Variants in SLC24A3 observed in about 807,000 individuals in gnomAD.
SLC24A3 encodes solute carrier family 24 member 3.
A neutral mutation model predicts 75.8 loss-of-function variants in SLC24A3; 28 were observed. That is an observed-to-expected ratio of 0.37 (90% CI 0.27 to 0.51). The LOEUF (loss-of-function observed/expected upper bound fraction) is 0.51. SLC24A3 is among the 20% of genes least tolerant of loss of function. The pLI, the probability that SLC24A3 is intolerant of heterozygous loss-of-function variation, is 0.94. For synonymous variants in SLC24A3, 372 were observed against 334.1 expected (o/e 1.11, Z -1.24); for missense variants, 663 against 847.8 (o/e 0.78, Z 2.71).
chr20:19,254,618 CTT>C (rs1241609840), intron 1 of SLC24A3, among the ~76,000 whole-genome samples: 1 of 152,154 alleles, frequency 6.6e-6, no homozygotes, highest in East Asian at 1.9e-4. Flanking sequence ...AGGAAGAAAA[CTT>C]TTTTTGTCTT....
intron 1 of SLC24A3, among the ~76,000 whole-genome samples, chr20:19,254,163 C>T (rs1316717755): frequency 1.3e-5 from 2 of 152,306 alleles, no homozygotes; most frequent in East Asian, 3.9e-4. Context: ...TGACTGTAGC[C>T]TCTGGGCTGT....
chr20:19,456,222 C>G (rs1987575187), intron 2 of SLC24A3, among the ~76,000 whole-genome samples: 2 of 152,296 alleles, frequency 1.3e-5, no homozygotes, highest in African/African-American at 2.4e-5. Flanking sequence ...TTTATTCCTT[C>G]CAGGAGGAGA....
intron 13 of SLC24A3, chr20:19,694,191 G>C (rs2032778733): frequency 6.6e-6 from 1 of 152,300 alleles, no homozygotes; most frequent in Admixed American, 6.5e-5. Flanking sequence ...AGGAAACCCA[G>C]CCTTCCAGAA....
At chr20:19,311,181 G>C (rs183999075) in intron 2 of SLC24A3, among the ~76,000 whole-genome samples, 147 of 152,090 alleles carry the variant, frequency 9.7e-4, no homozygotes, top group African/African-American at 3.4e-3. Flanking sequence ...TGTGTGTAGA[G>C]ACTTGAGTTC....
chr20:19,262,687 A>G (rs956162048), intron 1 of SLC24A3, among the ~76,000 whole-genome samples: 28 of 152,092 alleles, frequency 1.8e-4, no homozygotes, highest in Admixed American at 6.5e-4. Context: ...CTGCTACTCA[A>G]TGGGGACTGG....
intron 2 of SLC24A3, among the ~76,000 whole-genome samples, chr20:19,460,182 A>G (rs931367357): frequency 6.6e-6 from 1 of 152,092 alleles, no homozygotes; most frequent in African/African-American, 2.4e-5. Context: ...CAGGCACCTA[A>G]GCGTGGGCGA....
intron 1 of SLC24A3, among the ~76,000 whole-genome samples, chr20:19,225,794 T>C (rs1981853802): frequency 6.6e-6 from 1 of 152,226 alleles, no homozygotes; most frequent in Non-Finnish European, 1.5e-5. Context: ...CTGAGTAGTA[T>C]TCCACTATAC....
chr20:19,670,985 T>A (rs1160241895), intron 8 of SLC24A3, among the ~76,000 whole-genome samples: 2 of 152,202 alleles, frequency 1.3e-5, no homozygotes, highest in Non-Finnish European at 2.9e-5. Context: ...TGGTGTCAAG[T>A]GACTGCTAGA....
rs149415872 is a variant in SLC24A3, at chr20:19,467,562, C to G, written c.272-47926C>G. ...AGTGGTACTGAAAGCTAGAGCTGAC[C>G]TGGAAAGACAACTCAGTTAGAAAAT... On this transcript the variant is annotated intron_variant, in intron 2 of 16. Coordinates refer to ENST00000328041, the MANE Select transcript of SLC24A3 (RefSeq NM_020689.4). 8.0e-3 allele frequency among the ~76,000 whole-genome samples: 1,213 copies of G among 152,172 alleles called. 10 individuals are homozygous for G. The highest frequency in any genetic ancestry group is 0.012 in the Non-Finnish European group (791 of 68,008).
intron 2 of SLC24A3, among the ~76,000 whole-genome samples, chr20:19,402,772 CA>C (rs1217693652): frequency 6.6e-6 from 1 of 152,098 alleles, no homozygotes; most frequent in Non-Finnish European, 1.5e-5. Context: ...AAACTCTAGA[CA>C]GGGGGTGATG....
At chr20:19,539,712 AG>A (rs1487844319) in intron 3 of SLC24A3, among the ~76,000 whole-genome samples, 10 of 152,208 alleles carry the variant, frequency 6.6e-5, no homozygotes, top group African/African-American at 2.4e-4. Context: ...TATTTAATCA[AG>A]TTTCATGTGA....
At chr20:19,268,801 C>T (rs1267451072) in intron 1 of SLC24A3, among the ~76,000 whole-genome samples, 1 of 152,182 alleles carries the variant, frequency 6.6e-6, no homozygotes, top group African/African-American at 2.4e-5. Flanking sequence ...GGGGTTAAGG[C>T]TAGTTTTCAG....
At chr20:19,381,418 G>T (rs1986179672) in intron 2 of SLC24A3, among the ~76,000 whole-genome samples, 1 of 152,194 alleles carries the variant, frequency 6.6e-6, no homozygotes, top group Non-Finnish European at 1.5e-5. Context: ...GATGATCTGG[G>T]AGGCCCTCTT....
chr20:19,453,976 G>T (rs1331836958), intron 2 of SLC24A3, among the ~76,000 whole-genome samples: 1 of 152,246 alleles, frequency 6.6e-6, no homozygotes, highest in East Asian at 1.9e-4. Flanking sequence ...CAACACTGCT[G>T]ACAGAGCGGT....
chr20:19,346,202 TATATATATATG>T (rs1985411315), intron 2 of SLC24A3, among the ~76,000 whole-genome samples: 2 of 100,916 alleles, frequency 2.0e-5, no homozygotes, highest in Admixed American at 1.1e-4. Context: ...ATATATATGG[TATATATATATG>T]GTGTATATGT....
At chr20:19,474,323 A>G (rs1241789875) in intron 2 of SLC24A3, among the ~76,000 whole-genome samples, 1 of 152,158 alleles carries the variant, frequency 6.6e-6, no homozygotes, top group Non-Finnish European at 1.5e-5. Flanking sequence ...TGGTGGAGGG[A>G]GGCTTTTAAT....
At chr20:19,461,912 A>G (rs1401152861) in intron 2 of SLC24A3, among the ~76,000 whole-genome samples, 1 of 152,172 alleles carries the variant, frequency 6.6e-6, no homozygotes, top group East Asian at 1.9e-4. Flanking sequence ...CCCATTTATG[A>G]GAGGTTAAGT....
chr20:19,335,058 A>G (rs1488951972), intron 2 of SLC24A3, among the ~76,000 whole-genome samples: 2 of 152,210 alleles, frequency 1.3e-5, no homozygotes, highest in African/African-American at 2.4e-5. Context: ...GTGCAGTAAT[A>G]TAGCTTGAAA....
At chr20:19,426,731 A>G (rs544249812) in intron 2 of SLC24A3, among the ~76,000 whole-genome samples, 2 of 152,250 alleles carry the variant, frequency 1.3e-5, no homozygotes, top group South Asian at 4.1e-4. Context: ...TTGAGTTTGT[A>G]TTGGTTCTCT....
Sources: allele counts gnomAD v4.1 joint callset (sites outside exome capture counted in the v4.1 genomes callset), GRCh38; gene constraint gnomAD v4.1.1; transcripts MANE v1.5; gene names NCBI Gene and HGNC (gene_info 2026-07-23, HGNC 2026-07-21).